The following NF1 variants were observed in gnomAD, a reference collection of about 807,000 sequenced individuals.
NF1 encodes the protein neurofibromin 1, also known as neurofibromin.
NF1 carries 122 observed loss-of-function variants against 325.7 expected under a neutral mutation model. The ratio of observed to expected loss-of-function variants is 0.37; its 90% CI spans 0.32 to 0.44. The LOEUF (loss-of-function observed/expected upper bound fraction) is 0.44, where lower values mean the gene tolerates loss of function less well. Among genes scored for constraint, NF1 ranks in the 20% least tolerant of loss-of-function variants. NF1 has a pLI of 1.00. For synonymous variants in NF1, 1,091 were observed against 1,186.0 expected, an observed-to-expected ratio of 0.92 and a Z score of 1.65; for missense variants, 2,140 against 3,415.4, an observed-to-expected ratio of 0.63 and a Z score of 9.31.
At chr17:31,119,653 CT>C in intron 1 of NF1, among the ~76,000 whole-genome samples, 1 of 152,166 alleles carries the variant, frequency 6.6e-6, no homozygotes, top group Middle Eastern at 3.4e-3. Context: ...GTTGTCATTG[CT>C]TTTGGTGTTT....
intron 48 of NF1, among the ~76,000 whole-genome samples, chr17:31,343,665 G>A (rs1010263625): frequency 6.6e-6 from 1 of 152,040 alleles, no homozygotes; most frequent in Non-Finnish European, 1.5e-5. Flanking sequence ...AAACAAAAGA[G>A]TTTATTCTGG....
intron 36 of NF1, among the ~76,000 whole-genome samples, chr17:31,282,074 A>AT (rs956141098): frequency 6.6e-6 from 1 of 151,848 alleles, no homozygotes; most frequent in African/African-American, 2.4e-5. Flanking sequence ...AAAAAAAAAA[A>AT]ATCTTTTTTT....
chr17:31,318,878 C>G, intron 36 of NF1: 1 of 1,614,042 alleles, frequency 6.2e-7, no homozygotes, highest in South Asian at 1.1e-5. Flanking sequence ...TTTTGAATAA[C>G]TGAATCCCAG....
At chr17:31,305,247 C>T in intron 36 of NF1, 1 of 1,614,090 alleles carries the variant, frequency 6.2e-7, no homozygotes, top group Non-Finnish European at 8.5e-7. Flanking sequence ...CAGAGGTGAA[C>T]ACGGCTTGCT....
Position 31,261,602 on chromosome 17 carries a change from T to C in NF1, c.4578-109T>C. ...GTCCTGAGGTCTTTTTGGTGCTGTTTACAAATCAGCTGACAGTAAAAGGAA... is the reference window on the plus strand; with the variant it reads ...GTCCTGAGGTCTTTTTGGTGCTGTTCACAAATCAGCTGACAGTAAAAGGAA... On this transcript the variant is annotated intron_variant, in intron 34 of 57. Coordinates refer to ENST00000358273, the MANE Select transcript of NF1 (RefSeq NM_001042492.3). 3.3e-6 allele frequency: 4 copies of C among 1,197,402 alleles called. 1 individual carries two copies. In the South Asian group the frequency reaches 4.9e-5, roughly 15 times the overall value. The allele number at this position is 1,197,402 out of a possible 1,614,324, so 74.2% of individuals were successfully genotyped here.
chr17:31,351,355 CAT>C (rs1373499390), intron 50 of NF1, among the ~76,000 whole-genome samples: 5 of 152,222 alleles, frequency 3.3e-5, no homozygotes, highest in East Asian at 3.9e-4. Flanking sequence ...TGAGGTAACA[CAT>C]ATGTTAATTT....
At chr17:31,164,554 G>C (rs1324162439) in intron 4 of NF1, among the ~76,000 whole-genome samples, 1 of 152,204 alleles carries the variant, frequency 6.6e-6, no homozygotes, top group Non-Finnish European at 1.5e-5. Flanking sequence ...CTTTGTTGGT[G>C]CCTGCATCTT....
chr17:31,314,751 G>A (rs1022520224), intron 36 of NF1, among the ~76,000 whole-genome samples: 3 of 152,122 alleles, frequency 2.0e-5, no homozygotes, highest in Non-Finnish European at 2.9e-5. Context: ...GTTGTGAATA[G>A]TGTTACAACA....
chr17:31,342,285 G>T (rs369162007), intron 47 of NF1, among the ~76,000 whole-genome samples: 6 of 152,038 alleles, frequency 3.9e-5, no homozygotes, highest in Admixed American at 3.9e-4. Flanking sequence ...CTAGTTGTTG[G>T]CTATTTATAT....
chr17:31,262,643 A>T (rs1200135472), intron 35 of NF1, among the ~76,000 whole-genome samples: 2 of 152,208 alleles, frequency 1.3e-5, no homozygotes, highest in African/African-American at 2.4e-5. Flanking sequence ...TATTACTTAC[A>T]GGTCATGGTT....
chr17:31,142,939 C>T (rs1221293038), intron 1 of NF1, among the ~76,000 whole-genome samples: 1 of 151,512 alleles, frequency 6.6e-6, no homozygotes, highest in African/African-American at 2.4e-5. Context: ...CTTTGAATTG[C>T]CCCTTGTTTC....
chr17:31,325,927 C>T lies in NF1; in HGVS notation c.4943C>T (p.Thr1648Ile), dbSNP rs376655102. The change falls in exon 37 of 58, where the codon ACC (threonine) becomes ATC (isoleucine). Residue 1648 changes from threonine to isoleucine, a missense_variant. By Grantham distance (89) the Thr-to-Ile change is moderately conservative. This residue lies in a region of NF1 where 103 missense variants were observed against 214.6 expected (regional missense o/e 0.48). Coordinates refer to ENST00000358273, the MANE Select transcript of NF1 (RefSeq NM_001042492.3). ...GAAATTGTAGTGGACCTTACCCATA[C>T]CGGGCCTAGCAATCGCTTTAAAACA... ...PYEIVVDLTH[T>I]GPSNRFKTDF... 1.5e-5 allele frequency: 24 copies of T among 1,614,070 alleles called. No individual in the cohort carries two copies. The African/African-American group carries it at 2.1e-4, about 14-fold the overall frequency.
At chr17:31,372,783 A>G (rs781535979) in intron 57 of NF1, among the ~76,000 whole-genome samples, 2 of 152,198 alleles carry the variant, frequency 1.3e-5, no homozygotes, top group Non-Finnish European at 2.9e-5. Context: ...TGAGAGGCCA[A>G]GATGGAAGGA....
chr17:31,271,456 A>G (rs2067894942), intron 36 of NF1, among the ~76,000 whole-genome samples: 1 of 152,194 alleles, frequency 6.6e-6, no homozygotes, highest in Admixed American at 6.5e-5. Context: ...CTGTTTAATA[A>G]AAAATAAAAT....
At chr17:31,119,419 T>C (rs994191606) in intron 1 of NF1, among the ~76,000 whole-genome samples, 1 of 152,116 alleles carries the variant, frequency 6.6e-6, no homozygotes, top group African/African-American at 2.4e-5. Flanking sequence ...ATATCTTCTT[T>C]TGAGAAGTGT....
At chr17:31,105,028 T>C (rs772071638) in intron 1 of NF1, among the ~76,000 whole-genome samples, 3 of 152,082 alleles carry the variant, frequency 2.0e-5, no homozygotes, top group Admixed American at 6.5e-5. Flanking sequence ...CTCCCGAATA[T>C]CTAGGACTAT....
chr17:31,320,451 G>C, intron 36 of NF1: 1 of 1,606,888 alleles, frequency 6.2e-7, no homozygotes, highest in Non-Finnish European at 8.5e-7. Flanking sequence ...TGCTAGTCAG[G>C]CTTTTGAACA....
chr17:31,341,523 C>CA (rs1284341689), intron 47 of NF1, among the ~76,000 whole-genome samples: 4 of 145,410 alleles, frequency 2.8e-5, no homozygotes, highest in South Asian at 4.4e-4. Flanking sequence ...ACCCTGTCTC[C>CA]AAAAAAAAGT....
At chr17:31,284,460 T>G (rs1026183186) in intron 36 of NF1, among the ~76,000 whole-genome samples, 2 of 152,040 alleles carry the variant, frequency 1.3e-5, no homozygotes, top group African/African-American at 4.8e-5. Context: ...AAGTTTTGTA[T>G]TTTTAGTAGA....
Sources: gnomAD v4.1 joint callset for allele counts (sites outside exome capture counted in the v4.1 genomes callset) on GRCh38, gnomAD v4.1.1 for gene constraint, gnomAD v4.1.1 regional missense constraint, MANE v1.5 for transcripts, NCBI Gene and HGNC (gene_info 2026-07-23, HGNC 2026-07-21) for gene names.